The following CSMD3 variants were observed in gnomAD, a reference collection of about 807,000 sequenced individuals.
The protein encoded by CSMD3 is CUB and sushi domain-containing protein 3.
CSMD3 carries 177 observed loss-of-function variants against 435.2 expected under a neutral mutation model. The observed-to-expected ratio is 0.41, with a 90% CI of 0.36 to 0.46. CSMD3 has a LOEUF of 0.46. Ranked by LOEUF, CSMD3 falls within the 20% of genes least tolerant of loss-of-function variation. CSMD3 has a pLI of 0.34. For missense variants in CSMD3, 4,265 were observed against 4,504.6 expected, an observed-to-expected ratio of 0.95 and a Z score of 1.52; for synonymous variants, 1,656 against 1,520.5, an observed-to-expected ratio of 1.09 and a Z score of -2.07.
intron 5 of CSMD3, among the ~76,000 whole-genome samples, chr8:113,054,487 T>A (rs781727775): frequency 6.6e-6 from 1 of 152,152 alleles, no homozygotes; most frequent in Non-Finnish European, 1.5e-5. Context: ...TCCACTCTTA[T>A]ATGTATCTTT....
chr8:113,248,129 G>A (rs2093295132), intron 3 of CSMD3, among the ~76,000 whole-genome samples: 1 of 151,892 alleles, frequency 6.6e-6, no homozygotes, highest in Non-Finnish European at 1.5e-5. Flanking sequence ...TGAAGTATCT[G>A]ACTTTTTGAA....
intron 1 of CSMD3, among the ~76,000 whole-genome samples, chr8:113,397,794 G>A (rs544952230): frequency 6.6e-6 from 1 of 151,454 alleles, no homozygotes; most frequent in Admixed American, 6.6e-5. Flanking sequence ...CTCCAGCCTG[G>A]ACGCGAAGGA....
intron 3 of CSMD3, among the ~76,000 whole-genome samples, chr8:113,276,608 C>T (rs2093572614): frequency 6.6e-6 from 1 of 152,020 alleles, no homozygotes; most frequent in African/African-American, 2.4e-5. Context: ...TGGATACAAA[C>T]CCAGCCCACT....
Position 112,291,447 on chromosome 8 carries a change from T to C in CSMD3, c.8974+63A>G. 5 of 1,084,488 alleles carry C rather than the reference T, an allele frequency of 4.6e-6. 1 individual carries two copies. In the South Asian group the frequency reaches 6.4e-5, roughly 14 times the overall value. 67.2% of individuals were successfully genotyped at this position (1,084,488 alleles called of 1,614,324 possible). ...ATATCTTTAGGTCATTTTATAAAGA[T>C]GATAAACATTCCTATGGTTTCCATG... On this transcript the variant is annotated intron_variant, in intron 56 of 70. Transcript: ENST00000297405.
chr8:113,126,725 T>C (rs1249998770), intron 4 of CSMD3, among the ~76,000 whole-genome samples: 1 of 151,896 alleles, frequency 6.6e-6, no homozygotes, highest in Non-Finnish European at 1.5e-5. Flanking sequence ...TTATGTTGTT[T>C]ATATTGTTAT....
At chr8:112,757,365 T>C (rs938573786) in intron 13 of CSMD3, among the ~76,000 whole-genome samples, 1 of 152,078 alleles carries the variant, frequency 6.6e-6, no homozygotes, top group Non-Finnish European at 1.5e-5. Flanking sequence ...GACGATGTTA[T>C]ATGTGCATAT....
At chr8:112,745,669 CTTTTT>C (rs145001854) in intron 13 of CSMD3, among the ~76,000 whole-genome samples, 1 of 151,172 alleles carries the variant, frequency 6.6e-6, no homozygotes, top group Non-Finnish European at 1.5e-5. Flanking sequence ...TTCTAAGTTT[CTTTTT>C]TTTGTTTTTG....
intron 3 of CSMD3, among the ~76,000 whole-genome samples, chr8:113,197,635 A>T (rs540335150): frequency 6.6e-6 from 1 of 151,450 alleles, no homozygotes; most frequent in East Asian, 1.9e-4. Context: ...GAACATTATT[A>T]TGCCATGCAG....
chr8:112,628,956 G>C (rs1249652027), intron 22 of CSMD3, among the ~76,000 whole-genome samples: 1 of 152,134 alleles, frequency 6.6e-6, no homozygotes, highest in Non-Finnish European at 1.5e-5. Context: ...TTTTAAGTAA[G>C]AGAGTAACAT....
At chr8:112,595,115 G>C (rs1276805604) in intron 22 of CSMD3, among the ~76,000 whole-genome samples, 3 of 148,158 alleles carry the variant, frequency 2.0e-5, no homozygotes, top group Non-Finnish European at 1.5e-5. Context: ...TGAAAACTTT[G>C]AAAAAAATTT....
At chr8:112,501,427 A>G (rs1420152883) in intron 30 of CSMD3, among the ~76,000 whole-genome samples, 1 of 151,858 alleles carries the variant, frequency 6.6e-6, no homozygotes, top group Non-Finnish European at 1.5e-5. Flanking sequence ...AAATCTCAGT[A>G]TGCAAAATAG....
intron 18 of CSMD3, among the ~76,000 whole-genome samples, chr8:112,655,859 G>A (rs1479839011): frequency 6.6e-6 from 1 of 151,830 alleles, no homozygotes; most frequent in Admixed American, 6.6e-5. Flanking sequence ...TCTATTATCT[G>A]TTTTTCAGAA....
chr8:113,182,174 A>T (rs930531698), intron 3 of CSMD3, among the ~76,000 whole-genome samples: 2 of 152,092 alleles, frequency 1.3e-5, no homozygotes, highest in East Asian at 3.9e-4. Context: ...GGAAATTAAA[A>T]AATAAAACTG....
At chr8:112,341,408 A>T in intron 42 of CSMD3, 69 bp downstream of exon 42, 1 of 1,018,614 alleles carries the variant, frequency 9.8e-7, no homozygotes, top group Non-Finnish European at 1.5e-6. Flanking sequence ...AAATAATTAG[A>T]CTCAGTTAAA....
chr8:112,576,190 G>C (rs1829928663), intron 23 of CSMD3, among the ~76,000 whole-genome samples: 1 of 151,962 alleles, frequency 6.6e-6, no homozygotes, highest in Non-Finnish European at 1.5e-5. Flanking sequence ...TGTAACTGGG[G>C]AAATAAAAAT....
chr8:113,088,872 AAAAT>A lies in CSMD3; in HGVS notation c.917+9880_917+9883del, dbSNP rs535386592. 4.8e-3 allele frequency among the ~76,000 whole-genome samples: 734 copies of A among 152,194 alleles called. 6 individuals carry two copies. The highest frequency in any genetic ancestry group is 0.017 in the African/African-American group (689 of 41,508). Reference sequence around the variant, plus strand: ...ACTTAAAGTATAATAATAAAAAAATAAAATAAATAAAGATGTATACAAACAATTC... The same window carrying A: ...ACTTAAAGTATAATAATAAAAAAATAAAATAAAGATGTATACAAACAATTC... On this transcript the variant is annotated intron_variant, in intron 5 of 70. Coordinates refer to ENST00000297405, the MANE Select transcript of CSMD3 (RefSeq NM_198123.2).
At chr8:112,955,962 T>G (rs1176794757) in intron 7 of CSMD3, among the ~76,000 whole-genome samples, 5 of 151,926 alleles carry the variant, frequency 3.3e-5, no homozygotes, top group Admixed American at 3.3e-4. Context: ...TTTAAGGTAA[T>G]TTTTTTCTTG....
intron 3 of CSMD3, among the ~76,000 whole-genome samples, chr8:113,237,524 G>A (rs540639670): frequency 4.6e-5 from 7 of 152,200 alleles, no homozygotes; most frequent in East Asian, 3.9e-4. Flanking sequence ...TTATAATGGC[G>A]GATGTATTGC....
At chr8:112,580,581 T>A (rs1002179472) in intron 23 of CSMD3, among the ~76,000 whole-genome samples, 3 of 150,650 alleles carry the variant, frequency 2.0e-5, no homozygotes, top group Non-Finnish European at 3.0e-5. Flanking sequence ...AGGCAATTGA[T>A]CCTGAGCCAG....
Sources: allele counts gnomAD v4.1 joint callset (sites outside exome capture counted in the v4.1 genomes callset), GRCh38; gene constraint gnomAD v4.1.1; transcripts MANE v1.5; gene names NCBI Gene and HGNC (gene_info 2026-07-23, HGNC 2026-07-21).